The following IQCM variants were observed in gnomAD, a reference collection of about 807,000 sequenced individuals.
The protein encoded by IQCM is IQ motif containing M, also known as IQ domain-containing protein M.
A neutral mutation model predicts 57.6 loss-of-function variants in IQCM; 45 were observed. The ratio of observed to expected loss-of-function variants is 0.78; its 90% CI spans 0.62 to 1.00. IQCM has a LOEUF of 1.00. Among genes scored for constraint, IQCM ranks in the 50% least tolerant of loss-of-function variants. The pLI is 0.00. For missense variants in IQCM, 468 were observed against 511.6 expected (o/e 0.91, Z 0.82); for synonymous variants, 148 against 158.9 (o/e 0.93, Z 0.51).
At chr4:149,732,874 T>A (rs937865829) in intron 5 of IQCM, among the ~76,000 whole-genome samples, 1 of 152,192 alleles carries the variant, frequency 6.6e-6, no homozygotes, top group Non-Finnish European at 1.5e-5. Context: ...GGAAACACGC[T>A]CACGAGTAAG....
At chr4:149,445,747 G>A (rs1736436573) in intron 12 of IQCM, among the ~76,000 whole-genome samples, 2 of 151,594 alleles carry the variant, frequency 1.3e-5, no homozygotes, top group Non-Finnish European at 3.0e-5. Context: ...CTAAAATTTG[G>A]GATCTTGATT....
chr4:149,773,269 G>A (rs557930550), intron 2 of IQCM, among the ~76,000 whole-genome samples: 1 of 151,720 alleles, frequency 6.6e-6, no homozygotes, highest in Non-Finnish European at 1.5e-5. Context: ...GGAAAATGGC[G>A]TGAACCCGGG....
chr4:149,559,203 G>A (rs1193181129), intron 10 of IQCM, among the ~76,000 whole-genome samples: 1 of 151,968 alleles, frequency 6.6e-6, no homozygotes, highest in East Asian at 1.9e-4. Flanking sequence ...CCTCCATTTT[G>A]TCACCCTCTC....
intron 12 of IQCM, among the ~76,000 whole-genome samples, chr4:149,446,735 C>T (rs1736552930): frequency 1.3e-5 from 2 of 151,462 alleles, no homozygotes; most frequent in Admixed American, 1.3e-4. Flanking sequence ...ATGAAGCATT[C>T]CTTCATTAGA....
intron 13 of IQCM, among the ~76,000 whole-genome samples, chr4:149,379,766 G>T (rs1222634715): frequency 6.6e-6 from 1 of 152,150 alleles, no homozygotes; most frequent in Non-Finnish European, 1.5e-5. Context: ...TGTTGGAATG[G>T]CATGATTTGT....
At chr4:149,576,247 A>T (rs1751636498) in intron 9 of IQCM, among the ~76,000 whole-genome samples, 1 of 151,652 alleles carries the variant, frequency 6.6e-6, no homozygotes, top group South Asian at 2.1e-4. Context: ...TTATTTTGTC[A>T]CCCAAGTAAT....
chr4:149,390,382 T>C (rs1025946731), intron 13 of IQCM, among the ~76,000 whole-genome samples: 1 of 151,946 alleles, frequency 6.6e-6, no homozygotes, highest in South Asian at 2.1e-4. Context: ...ATAGAAATAG[T>C]TTTACTTCTT....
intron 13 of IQCM, among the ~76,000 whole-genome samples, chr4:149,414,155 C>T (rs975397414): frequency 5.3e-5 from 8 of 152,120 alleles, no homozygotes; most frequent in South Asian, 4.1e-4. Flanking sequence ...CATCTCCTCT[C>T]TTATAATGAA....
At chr4:149,695,667 G>C (rs1763280128) in intron 5 of IQCM, among the ~76,000 whole-genome samples, 1 of 152,126 alleles carries the variant, frequency 6.6e-6, no homozygotes, top group Admixed American at 6.6e-5. Context: ...ATAGGTTATA[G>C]GAAAGGAGAG....
chr4:149,447,021 C>T (rs1736587701), intron 12 of IQCM, among the ~76,000 whole-genome samples: 1 of 151,304 alleles, frequency 6.6e-6, no homozygotes, highest in Admixed American at 6.6e-5. Context: ...CCTTCCTTTC[C>T]TGGAGATGAT....
intron 5 of IQCM, among the ~76,000 whole-genome samples, chr4:149,727,577 T>C (rs1182683018): frequency 1.3e-5 from 2 of 152,200 alleles, no homozygotes; most frequent in African/African-American, 4.8e-5. Context: ...AAGATACTGG[T>C]TGCTTAACTG....
intron 7 of IQCM, among the ~76,000 whole-genome samples, chr4:149,627,735 T>C (rs915498218): frequency 2.6e-5 from 4 of 152,118 alleles, no homozygotes; most frequent in Non-Finnish European, 5.9e-5. Flanking sequence ...ATAAATGTTA[T>C]TAGCTTATAT....
chr4:149,703,818 G>T (rs978233143), intron 5 of IQCM, among the ~76,000 whole-genome samples: 1 of 151,898 alleles, frequency 6.6e-6, no homozygotes, highest in Non-Finnish European at 1.5e-5. Flanking sequence ...CAAATGCTTA[G>T]TAGCTGAGAC....
chr4:149,531,284 G>A (rs796694338), intron 12 of IQCM, among the ~76,000 whole-genome samples: 6 of 152,242 alleles, frequency 3.9e-5, no homozygotes, highest in African/African-American at 1.4e-4. Context: ...CGCCAGTTCT[G>A]AGTAAACTCC....
intron 13 of IQCM, among the ~76,000 whole-genome samples, chr4:149,400,442 T>G (rs1287131131): frequency 2.0e-5 from 3 of 152,120 alleles, no homozygotes; most frequent in Admixed American, 6.6e-5. Context: ...TCACGTGGCA[T>G]GAGATACATT....
At chr4:149,567,490 G>C (rs1750742122) in intron 9 of IQCM, among the ~76,000 whole-genome samples, 1 of 151,924 alleles carries the variant, frequency 6.6e-6, no homozygotes, top group Admixed American at 6.6e-5. Context: ...GGGATTACAG[G>C]TGTGTGCCAC....
chr4:149,578,823 A>C (rs931041431), intron 9 of IQCM, among the ~76,000 whole-genome samples: 2 of 151,880 alleles, frequency 1.3e-5, no homozygotes, highest in Admixed American at 6.6e-5. Context: ...CCAAGCGGGA[A>C]CACACAGAAT....
chr4:149,671,216 T>C (rs1377558089), intron 7 of IQCM, among the ~76,000 whole-genome samples: 1 of 152,110 alleles, frequency 6.6e-6, no homozygotes, highest in East Asian at 1.9e-4. Context: ...CTTGGGAGGG[T>C]GTGTGTGTCC....
At chr4:149,595,512 C>CTG (rs1398794073) in intron 8 of IQCM, among the ~76,000 whole-genome samples, 8 of 152,054 alleles carry the variant, frequency 5.3e-5, no homozygotes, top group African/African-American at 1.9e-4. Context: ...GTGAAGTAAA[C>CTG]TGAAGAGTTT....
Sources: gnomAD v4.1 joint callset for allele counts (sites outside exome capture counted in the v4.1 genomes callset) on GRCh38, gnomAD v4.1.1 for gene constraint, MANE v1.5 for transcripts, NCBI Gene and HGNC (gene_info 2026-07-23, HGNC 2026-07-21) for gene names.